Variants in COPG1 observed in about 807,000 individuals in gnomAD.
The protein encoded by COPG1 is coatomer subunit gamma-1.
A neutral mutation model predicts 102.8 loss-of-function variants in COPG1; 29 were observed. That is an observed-to-expected ratio of 0.28 (90% CI 0.21 to 0.38). COPG1 has a LOEUF of 0.38. Ranked by LOEUF, COPG1 falls within the 10% of genes least tolerant of loss-of-function variation. The pLI, the probability that COPG1 is intolerant of heterozygous loss-of-function variation, is 1.00. For missense variants in COPG1, 875 were observed against 1,132.7 expected (o/e 0.77, Z 3.27); for synonymous variants, 406 against 421.6 (o/e 0.96, Z 0.45).
intron 17 of COPG1, 45 bp from the exon 18 acceptor site, chr3:129,268,887 G>T (rs10934875): frequency 3.2e-5 from 50 of 1,563,042 alleles, no homozygotes; most frequent in Non-Finnish European, 3.8e-5. Flanking sequence ...ACACTGCCCC[G>T]TGACTCCAGC....
intron 5 of COPG1, 112 bp downstream of exon 5, chr3:129,253,067 C>T (rs952739421): frequency 2.4e-5 from 21 of 873,218 alleles, no homozygotes; most frequent in Middle Eastern, 2.3e-4. Context: ...CTGCCCACCC[C>T]GTGGCAGCTT....
rs1940177596 is a variant in COPG1, at chr3:129,271,346, G to A, written c.1844-421G>A. Among the ~76,000 whole-genome samples the A allele has an allele frequency of 6.6e-6, 1 of 152,180 alleles. No individual in the cohort carries two copies. Among genetic ancestry groups the A allele is most frequent in the African/African-American group, 2.4e-5 (1 of 41,444 alleles). ...ACTGATAAATATATAGGACCAGTTT[G>A]TTATTTTGTCTGATTTTGTAGCTAT... On this transcript the variant is annotated intron_variant, in intron 18 of 23. Transcript: ENST00000314797. This position sits in a 1 kb window ranked among gnomAD's most constrained non-coding sequence, Gnocchi z 4.7.
chr3:129,250,532 C>T (rs1406180698), intron 1 of COPG1, 150 bp from the exon 2 acceptor site: 1 of 647,470 alleles, frequency 1.5e-6, no homozygotes, highest in Admixed American at 2.7e-5. Flanking sequence ...AGTAGGATCC[C>T]TAGACAGATT....
intron 21 of COPG1, among the ~76,000 whole-genome samples, chr3:129,273,445 G>C (rs1940217203): frequency 6.6e-6 from 1 of 152,236 alleles, no homozygotes; most frequent in Admixed American, 6.5e-5. Context: ...ATAATCCTTA[G>C]AGTTATTTTT....
At chr3:129,255,806 G>C (rs1271521328) in intron 7 of COPG1, among the ~76,000 whole-genome samples, 2 of 152,184 alleles carry the variant, frequency 1.3e-5, no homozygotes, top group Non-Finnish European at 2.9e-5. Flanking sequence ...TTCTGTATCT[G>C]TAAGCCTGAG....
rs779339694 is a variant in COPG1, at chr3:129,267,065, G to C, written c.1510G>C (p.Glu504Gln). The C allele has an allele frequency of 4.3e-6, 7 of 1,613,780 alleles. No homozygotes were observed. Among genetic ancestry groups the C allele is most frequent in the Middle Eastern group, 1.6e-4 (1 of 6,084 alleles). ...GGCGAAGTTTGGAGCCCAGAATGAA[G>C]AGATGTTACCCAGTATCTTGGTGTT... The part of the protein sequence containing the change: ...ALAKFGAQNE[E>Q]MLPSILVLLK... The change falls in exon 15 of 24, where the codon GAG becomes CAG. Residue 504 changes from glutamate to glutamine, a missense_variant. By Grantham distance (29) the Glu-to-Gln change is conservative. Transcript: ENST00000314797.
chr3:129,259,460 C>CA (rs781019383), intron 10 of COPG1, among the ~76,000 whole-genome samples: 795 of 46,490 alleles, frequency 0.017, 8 homozygotes, highest in African/African-American at 0.026. Flanking sequence ...GACTCTATCT[C>CA]AAAAAAAAAA....
intron 12 of COPG1, among the ~76,000 whole-genome samples, chr3:129,262,236 A>G (rs923769155): frequency 5.3e-5 from 8 of 150,652 alleles, no homozygotes; most frequent in African/African-American, 2.0e-4. Context: ...CAATGTAGCA[A>G]GACCTCATCT....
intron 10 of COPG1, chr3:129,260,131 C>T (rs1939894646): frequency 1.7e-6 from 1 of 597,366 alleles, no homozygotes; most frequent in East Asian, 2.8e-5. Context: ...CTCACTGGAA[C>T]CCCTGGGTGC....
At chr3:129,263,778 T>A (rs895756685) in intron 12 of COPG1, 126 bp from the exon 13 acceptor site, 4 of 761,572 alleles carry the variant, frequency 5.3e-6, no homozygotes, top group African/African-American at 5.2e-5. Context: ...TCCTCTGGTC[T>A]CCTTGCCCTT....
intron 13 of COPG1, among the ~76,000 whole-genome samples, chr3:129,264,765 G>A (rs979971145): frequency 6.6e-6 from 1 of 151,678 alleles, no homozygotes; most frequent in Admixed American, 6.6e-5. Flanking sequence ...TTACAGGTGT[G>A]AGCCATCATG....
chr3:129,260,339 A>G lies in COPG1; in HGVS notation c.878A>G (p.Gln293Arg). The change falls in exon 11 of 24, where the codon CAG becomes CGG. Residue 293 changes from glutamine to arginine, a missense_variant. Physicochemically the swap from Gln to Arg is conservative, Grantham distance 43. Transcript: ENST00000314797. ...KELAPAVSVLQLFCSSPKAAL... is the reference protein window; with the variant it reads ...KELAPAVSVLRLFCSSPKAAL... ...GGCATCCATCTCCCCACAGTGCTCC[A>G]GCTTTTCTGCAGCTCACCCAAGGCT... is the stretch of plus-strand genomic sequence containing the variant. 6.2e-7 allele frequency: 1 copy of G among 1,614,162 alleles called. No homozygotes were observed. Among genetic ancestry groups the G allele is most frequent in the Non-Finnish European group, 8.5e-7 (1 of 1,180,010 alleles).
In COPG1 at chr3:129,253,750, A is replaced by G. The variant is rs187836652; in HGVS notation, c.323+795A>G. ...CTGTAATCCCAGCACTGTATCCACA[A>G]TGTAATCCACAGACTGCGATGGGTG... is the stretch of plus-strand genomic sequence containing the variant. On this transcript the variant is annotated intron_variant, in intron 5 of 23. Coordinates refer to ENST00000314797, the MANE Select transcript of COPG1 (RefSeq NM_016128.4). 2.9e-3 allele frequency among the ~76,000 whole-genome samples: 437 copies of G among 152,048 alleles called. 1 individual carries two copies. Among genetic ancestry groups the G allele is most frequent in the Middle Eastern group, 6.8e-3 (2 of 292 alleles).
rs552762853 is a variant in COPG1, at chr3:129,272,360, C to T, written c.2103C>T (p.Asn701=). The change falls in exon 20 of 24, where the codon AAC becomes AAT. Residue 701 remains asparagine (N), a synonymous_variant. Transcript: ENST00000314797. ...TGCCTGCCCGGAGCCTGCCCTACAACCAGCCCGGGACCTGCTACACACTGG... is the reference window on the plus strand; with the variant it reads ...TGCCTGCCCGGAGCCTGCCCTACAATCAGCCCGGGACCTGCTACACACTGG... ...CYVPARSLPY[N]QPGTCYTLVA... 6.2e-5 allele frequency: 100 copies of T among 1,614,146 alleles called. 1 individual carries two copies. The South Asian group carries it at 7.7e-4, about 12-fold the overall frequency.
chr3:129,266,947 A>C, intron 14 of COPG1, 77 bp from the exon 15 acceptor site: 1 of 1,309,236 alleles, frequency 7.6e-7, no homozygotes, highest in East Asian at 2.3e-5. Flanking sequence ...CTGAAGACCC[A>C]TTCTGAGTGC....
rs926847893 is a variant in COPG1, at chr3:129,252,380, C to T, written c.171+19C>T. The stretch of plus-strand genomic sequence containing the variant: ...AAACCAGGTAACAGGGTGAAGCTTG[C>T]GGGTAGGGAGAATGGTGCTGGGGGA... On this transcript the variant is annotated intron_variant, in intron 3 of 23. Coordinates refer to ENST00000314797, the MANE Select transcript of COPG1 (RefSeq NM_016128.4). The T allele has an allele frequency of 1.4e-5, 22 of 1,551,202 alleles. No homozygotes were observed. Among genetic ancestry groups the T allele is most frequent in the Admixed American group, 8.3e-5 (5 of 59,890 alleles).
At position 129,252,584 on chromosome 3, in the gene COPG1, C is replaced by T. The variant is rs771924432; in HGVS notation, c.172-39C>T. On this transcript the variant is annotated intron_variant, in intron 3 of 23. Coordinates refer to ENST00000314797, the MANE Select transcript of COPG1 (RefSeq NM_016128.4). ...ATCCTGAAAGAACTGCTGTCTGACC[C>T]TCTGTCCCAAGCTGAGACTTCTTTC... 7 of 1,557,864 alleles carry T rather than the reference C, an allele frequency of 4.5e-6. No homozygotes were observed. In the African/African-American group the frequency reaches 5.4e-5, roughly 12 times the overall value.
Position 129,252,311 on chromosome 3 carries a change from C to A in COPG1, c.121C>A (p.Pro41Thr), listed in dbSNP as rs1939715973. 6.2e-7 allele frequency: 1 copy of A among 1,612,988 alleles called. No homozygotes were observed. The highest frequency in any genetic ancestry group is 8.5e-7 in the Non-Finnish European group (1 of 1,179,030). The change falls in exon 3 of 24, where the codon CCT (proline) becomes ACT (threonine). Residue 41 changes from proline to threonine, a missense_variant. By Grantham distance (38) the Pro-to-Thr change is conservative. Transcript: ENST00000314797. Reference sequence around the variant, plus strand: ...TGTATTTAATGAAACTCCCATCAACCCTCGGAAATGTGCCCACATCCTCAC... The same window carrying A: ...TGTATTTAATGAAACTCCCATCAACACTCGGAAATGTGCCCACATCCTCAC... ...ARVFNETPIN[P>T]RKCAHILTKI...
intron 12 of COPG1, 110 bp downstream of exon 12, chr3:129,260,917 T>C (rs1939913787): frequency 8.4e-7 from 1 of 1,184,482 alleles, no homozygotes; most frequent in Non-Finnish European, 1.2e-6. Flanking sequence ...TGGTCAGCCT[T>C]GAGGACTCAG....
Sources: allele counts gnomAD v4.1 joint callset (sites outside exome capture counted in the v4.1 genomes callset), GRCh38; gene constraint gnomAD v4.1.1; non-coding constraint Gnocchi (gnomAD v3.1); transcripts MANE v1.5; gene names NCBI Gene and HGNC (gene_info 2026-07-23, HGNC 2026-07-21).